CIT: variants seen among roughly 807,000 people sequenced by gnomAD.
The protein encoded by CIT is citron Rho-interacting kinase.
CIT carries 79 observed loss-of-function variants against 272.7 expected under a neutral mutation model. The ratio of observed to expected loss-of-function variants is 0.29; its 90% confidence interval spans 0.24 to 0.35. CIT has a LOEUF of 0.35. CIT is among the 10% of genes least tolerant of loss of function. The pLI is 1.00. For missense variants in CIT, 1,909 were observed against 2,618.3 expected (o/e 0.73, Z 5.91); for synonymous variants, 948 against 995.6 (o/e 0.95, Z 0.90).
intron 5 of CIT, among the ~76,000 whole-genome samples, chr12:119,848,345 T>C (rs537507895): frequency 2.6e-5 from 4 of 152,268 alleles, no homozygotes; most frequent in East Asian, 1.9e-4. Flanking sequence ...CCAGTAGAAG[T>C]TTAAGATAAG....
At chr12:119,776,497 A>T (rs1963762516) in intron 14 of CIT, 89 bp from the exon 15 acceptor site, 2 of 1,188,420 alleles carry the variant, frequency 1.7e-6, no homozygotes, top group African/African-American at 3.1e-5. Flanking sequence ...TGACCAAGAT[A>T]ATAATAGTAA....
chr12:119,704,476 G>A, intron 40 of CIT, 21 bp from the exon 41 acceptor site: 1 of 1,608,942 alleles, frequency 6.2e-7, no homozygotes, highest in South Asian at 1.1e-5. Flanking sequence ...ACCAAGAAAA[G>A]AAAAAGACTG....
chr12:119,852,015 C>T (rs1970251077), intron 4 of CIT, among the ~76,000 whole-genome samples: 1 of 152,076 alleles, frequency 6.6e-6, no homozygotes, highest in African/African-American at 2.4e-5. Context: ...CTTGGGCAAC[C>T]AAGCAAGACC....
Position 119,718,704 on chromosome 12 carries a change from T to C in CIT, c.3998A>G (p.Glu1333Gly). ...KTRIELRSAR[E>G]EAAHRKATDH... ...TGGAGAGAGTGAGCCCCTACCTTCC[T>C]CCCGGGCGGACCGGAGCTCGATGCG... Residue 1333 changes from glutamate to glycine, a missense_variant, in exon 31 of 48, where the codon GAG (glutamate) becomes GGG (glycine). By Grantham distance (98) the Glu-to-Gly change is moderately conservative (BLOSUM62 -2). Around this residue, in one of 8 missense-constraint regions of CIT, gnomAD observed 780 missense variants for 1,067.2 expected, o/e 0.73. Transcript: ENST00000392521. This position sits in a 1 kb window ranked among gnomAD's most constrained non-coding sequence, Gnocchi z 4.8. The C allele has an allele frequency of 6.2e-7, 1 of 1,613,150 alleles. No individual in the cohort carries two copies. Among genetic ancestry groups the C allele is most frequent in the Non-Finnish European group, 8.5e-7 (1 of 1,180,016 alleles).
chr12:119,847,920 T>A (rs57310357), intron 5 of CIT, among the ~76,000 whole-genome samples: 5,016 of 151,950 alleles, frequency 0.033, 285 homozygotes, highest in African/African-American at 0.12. Context: ...ATAAAAAAAA[T>A]TAAAAGTCTG....
intron 22 of CIT, among the ~76,000 whole-genome samples, chr12:119,756,492 A>G (rs1961000285): frequency 6.6e-6 from 1 of 152,154 alleles, no homozygotes; most frequent in African/African-American, 2.4e-5. Context: ...CTGGTGCCCT[A>G]TGCAGATGAA....
chr12:119,815,884 C>T (rs1467971549), intron 9 of CIT, among the ~76,000 whole-genome samples: 4 of 151,918 alleles, frequency 2.6e-5, no homozygotes, highest in Admixed American at 2.0e-4. Flanking sequence ...CATTTTTCGC[C>T]GTATAACCTT....
intron 6 of CIT, among the ~76,000 whole-genome samples, chr12:119,833,066 G>A (rs1968755611): frequency 6.6e-6 from 1 of 152,114 alleles, no homozygotes; most frequent in Non-Finnish European, 1.5e-5. Flanking sequence ...GAGAGAGGGA[G>A]AGAGGGGGAA....
intron 6 of CIT, 114 bp from the exon 7 acceptor site, chr12:119,832,978 C>A (rs1466404109): frequency 6.0e-6 from 4 of 671,490 alleles, no homozygotes; most frequent in Non-Finnish European, 1.1e-5. Context: ...GTTATATAGA[C>A]CTCCTCTATT....
intron 4 of CIT, among the ~76,000 whole-genome samples, chr12:119,852,917 G>GA (rs1223038747): frequency 6.6e-6 from 1 of 151,836 alleles, no homozygotes; most frequent in Non-Finnish European, 1.5e-5. Context: ...AATGGTTTAA[G>GA]AAAAAAAGTT....
intron 23 of CIT, among the ~76,000 whole-genome samples, chr12:119,750,947 A>C (rs1438744291): frequency 6.6e-6 from 1 of 152,118 alleles, no homozygotes; most frequent in African/African-American, 2.4e-5. Flanking sequence ...TTGAGTCAGA[A>C]TGAATAAGGT....
intron 9 of CIT, among the ~76,000 whole-genome samples, chr12:119,812,886 T>C (rs1267452003): frequency 8.5e-5 from 13 of 152,180 alleles, no homozygotes; most frequent in Admixed American, 8.5e-4. Context: ...AGACATTTAT[T>C]TGGCCATGTT....
intron 13 of CIT, 185 bp downstream of exon 13, chr12:119,782,333 T>C (rs1964370874): frequency 1.8e-6 from 1 of 549,150 alleles, no homozygotes; most frequent in South Asian, 2.5e-5. Context: ...AAGCATTCTA[T>C]GATGTATATA....
intron 3 of CIT, among the ~76,000 whole-genome samples, chr12:119,865,934 A>T (rs1158485845): frequency 6.6e-6 from 1 of 151,846 alleles, no homozygotes; most frequent in East Asian, 1.9e-4. Context: ...AACAAAGTAC[A>T]TGTAAAATAC....
chr12:119,688,267 A>G lies in CIT; in HGVS notation c.6187-12T>C. ...GACTGGTCCCAGACCTAGGAGTGAAATAAGGAGGAGTGTTAGCCATCCGAG... is the reference window on the plus strand; with the variant it reads ...GACTGGTCCCAGACCTAGGAGTGAAGTAAGGAGGAGTGTTAGCCATCCGAG... On this transcript the variant is annotated splice_polypyrimidine_tract_variant and intron_variant, in intron 47 of 47. Transcript: ENST00000392521. The G allele has an allele frequency of 1.9e-6, 3 of 1,587,738 alleles. No homozygotes were observed. Among genetic ancestry groups the G allele is most frequent in the Non-Finnish European group, 2.6e-6 (3 of 1,170,420 alleles).
intron 3 of CIT, among the ~76,000 whole-genome samples, 173 bp downstream of exon 3, chr12:119,868,887 C>T (rs1950587418): frequency 6.6e-6 from 1 of 152,194 alleles, no homozygotes; most frequent in African/African-American, 2.4e-5. Context: ...AGAAGCCCAA[C>T]TTACCTGGTC....
rs913062918 is a variant in CIT, at chr12:119,710,450, T to G, written c.4936-64A>C. ...GTCACGTCACCAGAACAATCTCTAGTAAGAGCAACAAGGCCTCCACAGCCC... is the reference window on the plus strand; with the variant it reads ...GTCACGTCACCAGAACAATCTCTAGGAAGAGCAACAAGGCCTCCACAGCCC... On this transcript the variant is annotated intron_variant, in intron 38 of 47. Coordinates refer to ENST00000392521, the MANE Select transcript of CIT (RefSeq NM_001206999.2). This position sits in a 1 kb window ranked among gnomAD's most constrained non-coding sequence, Gnocchi z 5.6. 6.2e-7 allele frequency: 1 copy of G among 1,613,060 alleles called. No homozygotes were observed.
chr12:119,725,084 T>C (rs750565671), intron 28 of CIT, among the ~76,000 whole-genome samples: 1 of 151,912 alleles, frequency 6.6e-6, no homozygotes, highest in Non-Finnish European at 1.5e-5. Context: ...CTGGATGATA[T>C]AAAAATTCTT....
At chr12:119,863,347 A>T (rs1476340529) in intron 3 of CIT, among the ~76,000 whole-genome samples, 1 of 152,062 alleles carries the variant, frequency 6.6e-6, no homozygotes, top group African/African-American at 2.4e-5. Context: ...AACAACAGAC[A>T]TTGGAGCCTA....
Sources: gnomAD v4.1 joint callset for allele counts (sites outside exome capture counted in the v4.1 genomes callset) on GRCh38, gnomAD v4.1.1 for gene constraint, gnomAD v4.1.1 regional missense constraint, Gnocchi (gnomAD v3.1) non-coding constraint, MANE v1.5 for transcripts, NCBI Gene and HGNC (gene_info 2026-07-23, HGNC 2026-07-21) for gene names.